OMA1: variants seen among roughly 807,000 people sequenced by gnomAD.
OMA1 encodes the protein metalloendopeptidase OMA1, mitochondrial.
OMA1 carries 38 observed loss-of-function variants against 30.9 expected under a neutral mutation model. The observed-to-expected ratio is 1.23, with a 90% CI of 0.95 to 1.61. OMA1 has a LOEUF of 1.61. Ranked by LOEUF, OMA1 falls within the 40% of genes most tolerant of loss-of-function variation. The pLI is 0.00. For missense variants in OMA1, 461 were observed against 349.2 expected (o/e 1.32, Z -2.55); for synonymous variants, 173 against 121.9 (o/e 1.42, Z -2.76).
intron 7 of OMA1, among the ~76,000 whole-genome samples, chr1:58,513,948 G>C (rs553068713): frequency 1.3e-5 from 2 of 152,088 alleles, no homozygotes; most frequent in African/African-American, 4.8e-5. Context: ...TTTTGCCCCT[G>C]GGTCAATAAT....
At chr1:58,501,024 C>T (rs1298912627) in intron 8 of OMA1, among the ~76,000 whole-genome samples, 1 of 152,166 alleles carries the variant, frequency 6.6e-6, no homozygotes, top group Non-Finnish European at 1.5e-5. Context: ...GATACAACAT[C>T]TGCTCTTCAT....
intron 8 of OMA1, among the ~76,000 whole-genome samples, chr1:58,497,121 T>C (rs78028892): frequency 1.3e-3 from 193 of 152,294 alleles, no homozygotes; most frequent in African/African-American, 4.5e-3. Context: ...TACAGGTATA[T>C]ATAGAAACAA....
chr1:58,529,857 C>T (rs995854234), intron 6 of OMA1, among the ~76,000 whole-genome samples: 1 of 152,066 alleles, frequency 6.6e-6, no homozygotes, highest in Non-Finnish European at 1.5e-5. Context: ...TGCATAGTTA[C>T]ATGCAAACAC....
intron 8 of OMA1, among the ~76,000 whole-genome samples, chr1:58,490,795 C>CTT (rs148145860): frequency 0.051 from 3,007 of 59,270 alleles, 650 homozygotes; most frequent in East Asian, 0.14. Context: ...AGTCAACATT[C>CTT]TTTTTTTTTT....
intron 8 of OMA1, among the ~76,000 whole-genome samples, chr1:58,492,063 T>C (rs1390105472): frequency 6.6e-6 from 1 of 152,082 alleles, no homozygotes; most frequent in Non-Finnish European, 1.5e-5. Context: ...TAACAAACTG[T>C]CTCTCAGACC....
chr1:58,487,218 T>A (rs1221862572), intron 8 of OMA1, among the ~76,000 whole-genome samples: 2 of 152,226 alleles, frequency 1.3e-5, no homozygotes, highest in East Asian at 1.9e-4. Context: ...AATGTACTTG[T>A]TAAAGCAGTC....
At chr1:58,516,726 G>A (rs1646163271) in intron 7 of OMA1, among the ~76,000 whole-genome samples, 1 of 152,084 alleles carries the variant, frequency 6.6e-6, no homozygotes, top group Non-Finnish European at 1.5e-5. Flanking sequence ...TAAATCCAAT[G>A]GGACTGCATA....
At chr1:58,498,364 T>C (rs183609644) in intron 8 of OMA1, among the ~76,000 whole-genome samples, 1 of 152,258 alleles carries the variant, frequency 6.6e-6, no homozygotes, top group Non-Finnish European at 1.5e-5. Context: ...AGGTTTAAAT[T>C]TTAAATATTT....
intron 8 of OMA1, among the ~76,000 whole-genome samples, chr1:58,490,324 C>A (rs927467952): frequency 6.6e-6 from 1 of 152,052 alleles, no homozygotes; most frequent in Admixed American, 6.5e-5. Flanking sequence ...ATTCGATCAA[C>A]TGGAAGAAAA....
intron 8 of OMA1, among the ~76,000 whole-genome samples, chr1:58,495,886 C>T (rs1192869879): frequency 2.0e-5 from 3 of 152,154 alleles, no homozygotes; most frequent in Non-Finnish European, 2.9e-5. Flanking sequence ...CATTCTTACT[C>T]TTGTATGCCT....
chr1:58,509,800 G>A (rs1302618357), intron 7 of OMA1, among the ~76,000 whole-genome samples: 2 of 151,714 alleles, frequency 1.3e-5, no homozygotes, highest in East Asian at 3.9e-4. Context: ...AACAAAAGAG[G>A]ACACATTACA....
At chr1:58,519,376 G>A (rs140512804) in intron 7 of OMA1, among the ~76,000 whole-genome samples, 4 of 152,276 alleles carry the variant, frequency 2.6e-5, no homozygotes, top group Non-Finnish European at 5.9e-5. Context: ...GGATTCATCT[G>A]CAGACACGTG....
At chr1:58,512,647 A>G in intron 7 of OMA1, among the ~76,000 whole-genome samples, 1 of 152,236 alleles carries the variant, frequency 6.6e-6, no homozygotes, top group Admixed American at 6.5e-5. Context: ...GCCAGTCACA[A>G]ATGGACAAAT....
chr1:58,528,587 G>A (rs1471532640), intron 6 of OMA1, among the ~76,000 whole-genome samples: 5 of 152,164 alleles, frequency 3.3e-5, no homozygotes, highest in Non-Finnish European at 7.4e-5. Context: ...TCTAGGGAAT[G>A]GGGGTCAGAA....
At chr1:58,511,747 T>G (rs1457941590) in intron 7 of OMA1, among the ~76,000 whole-genome samples, 1 of 152,134 alleles carries the variant, frequency 6.6e-6, no homozygotes, top group Non-Finnish European at 1.5e-5. Flanking sequence ...ACCCTTATCT[T>G]ACGCTACACA....
chr1:58,541,650 A>G (rs112704917), intron 1 of OMA1: 1 of 144,242 alleles, frequency 6.9e-6, no homozygotes. Context: ...AACCAAAAAC[A>G]AAAAACAAAA....
chr1:58,527,486 A>T, intron 6 of OMA1, 151 bp from the exon 7 acceptor site: 1 of 585,582 alleles, frequency 1.7e-6, no homozygotes, highest in Non-Finnish European at 3.0e-6. Flanking sequence ...CCATGATATA[A>T]AATATAAACA....
Position 58,539,107 on chromosome 1 carries a change from A to G in OMA1, c.188T>C (p.Phe63Ser). 1.1e-6 allele frequency: 1 copy of G among 872,958 alleles called. No homozygotes were observed. Among genetic ancestry groups the G allele is most frequent in the Non-Finnish European group, 2.0e-6 (1 of 501,648 alleles). The allele number at this position is 872,958 out of a possible 1,614,324, so 54.1% of individuals were successfully genotyped here. The stretch of plus-strand genomic sequence containing the variant: ...ATAAAAATGAAAGTTTCCAGGCAGA[A>G]AACTCCACCTGTCACACTGATTTAC... ...LGVNQCDRWSFLPGNFHFYST... is the reference protein window; with the variant it reads ...LGVNQCDRWSSLPGNFHFYST... Residue 63 changes from phenylalanine (F) to serine (S), a missense_variant, in exon 2 of 9, where the codon TTT becomes TCT. Coordinates refer to ENST00000371226, the MANE Select transcript of OMA1 (RefSeq NM_145243.5).
intron 7 of OMA1, among the ~76,000 whole-genome samples, chr1:58,526,744 A>G (rs990848816): frequency 6.6e-6 from 1 of 152,144 alleles, no homozygotes; most frequent in Non-Finnish European, 1.5e-5. Flanking sequence ...AAGTGGGGGA[A>G]AACAACTACC....
Sources: gnomAD v4.1 joint callset for allele counts (sites outside exome capture counted in the v4.1 genomes callset) on GRCh38, gnomAD v4.1.1 for gene constraint, MANE v1.5 for transcripts, NCBI Gene and HGNC (gene_info 2026-07-23, HGNC 2026-07-21) for gene names.